The following KMT2D variants were observed in gnomAD, a reference collection of about 807,000 sequenced individuals.
KMT2D encodes histone-lysine N-methyltransferase 2D.
Under a neutral mutation model 512.7 loss-of-function variants are expected in KMT2D, and 55 were observed. The ratio of observed to expected loss-of-function variants is 0.11; its 90% CI spans 0.09 to 0.13. The LOEUF (loss-of-function observed/expected upper bound fraction) is 0.13. Ranked by LOEUF, KMT2D falls within the 10% of genes least tolerant of loss-of-function variation. The pLI is 1.00. For missense variants in KMT2D, 6,061 were observed against 7,127.9 expected, an observed-to-expected ratio of 0.85 and a Z score of 5.39; for synonymous variants, 2,995 against 2,904.0, an observed-to-expected ratio of 1.03 and a Z score of -1.01.
In KMT2D at chr12:49,050,751, G is replaced by A. The variant is rs770488222; in HGVS notation, c.2837C>T (p.Ala946Val). The change falls in exon 12 of 55, where the codon GCG becomes GTG. Residue 946 changes from alanine (A) to valine (V), a missense_variant. Physicochemically the swap from Ala to Val is moderately conservative, Grantham distance 64. This residue lies in a region of KMT2D where 848 missense variants were observed against 838.5 expected (regional missense o/e 1.01). Coordinates refer to ENST00000301067, the MANE Select transcript of KMT2D (RefSeq NM_003482.4). ...CAAAGGAGACAGGGCCGGTGGGGCC[G>A]CAGCTGTGATGATGGGTGAGAGTGG... is the stretch of plus-strand genomic sequence containing the variant. Reference protein sequence around the residue: ...PPPLSPIITAAAPPALSPLGE... With the variant: ...PPPLSPIITAVAPPALSPLGE... 20 of 1,612,188 alleles carry A rather than the reference G, an allele frequency of 1.2e-5. No individual in the cohort carries two copies. Among genetic ancestry groups the A allele is most frequent in the African/African-American group, 8.0e-5 (6 of 74,842 alleles).
chr12:49,048,528 C>A lies in KMT2D; in HGVS notation c.4131+131G>T, dbSNP rs111923414. On this transcript the variant is annotated intron_variant, in intron 14 of 54. Coordinates refer to ENST00000301067, the MANE Select transcript of KMT2D (RefSeq NM_003482.4). ...GATGGATGGACAAACCAATGAATAA[C>A]ATGATTAGAATTCATGGTCTGTTTT... The A allele has an allele frequency of 7.3e-3, 4,727 of 650,052 alleles. 152 individuals carry two copies. In the African/African-American group the frequency reaches 0.074, roughly 10 times the overall value. The allele number at this position is 650,052 out of a possible 1,614,324, so 40.3% of individuals were successfully genotyped here.
intron 1 of KMT2D, 73 bp downstream of exon 1, chr12:49,059,540 G>C (rs1306806732): frequency 6.6e-6 from 1 of 152,438 alleles, no homozygotes; most frequent in Non-Finnish European, 1.5e-5. Context: ...GGCCAGCTCC[G>C]GCTAAGATAG....
At position 49,029,413 on chromosome 12, in the gene KMT2D, G is replaced by C. The variant is rs1425307395; in HGVS notation, c.14063C>G (p.Thr4688Ser). The stretch of plus-strand genomic sequence containing the variant: ...GCCCCGCCCCTACCTGACATCCTCA[G>C]TCTGATTGTGAGGGGGTGTAGGCAA... ...AALPTPPHNQ[T>S]EDVRMESDED... The change falls in exon 44 of 55, where the codon ACT becomes AGT. Residue 4688 changes from threonine (T) to serine (S), a missense_variant. Thr to Ser is a moderately conservative substitution (Grantham distance 58, BLOSUM62 1). Around this residue, in one of 16 missense-constraint regions of KMT2D, gnomAD observed 1,600 missense variants for 1,754.9 expected, o/e 0.91. Coordinates refer to ENST00000301067, the MANE Select transcript of KMT2D (RefSeq NM_003482.4). 6.4e-7 allele frequency: 1 copy of C among 1,557,652 alleles called. No homozygotes were observed. The highest frequency in any genetic ancestry group is 8.7e-7 in the Non-Finnish European group (1 of 1,149,942).
chr12:49,028,625 CTT>C (rs1418163480), intron 46 of KMT2D, among the ~76,000 whole-genome samples: 2 of 152,218 alleles, frequency 1.3e-5, no homozygotes, highest in African/African-American at 4.8e-5. Context: ...ACTTGTCTGT[CTT>C]TACCATGGGA....
rs769832018 is a variant in KMT2D at position 49,051,028 on chromosome 12, G to T, written c.2655C>A (p.Pro885=). The change falls in exon 11 of 55, where the codon CCC becomes CCA. Residue 885 remains proline (P), a synonymous_variant. Transcript: ENST00000301067. ...PAPEELPLFP[P]PGEPSLSPLL... ...AGGGAGATAAGGATGGTTCCCCAGG[G>T]GGAGGGAACAAGGGCAGCTCCTCAG... 7.1e-6 allele frequency: 11 copies of T among 1,556,464 alleles called. No homozygotes were observed. Among genetic ancestry groups the T allele is most frequent in the Non-Finnish European group, 9.5e-6 (11 of 1,153,466 alleles).
Position 49,028,946 on chromosome 12 carries a change from G to T in KMT2D, c.14264C>A (p.Thr4755Asn), listed in dbSNP as rs185009821. The T allele has an allele frequency of 6.2e-7, 1 of 1,613,896 alleles. No individual in the cohort carries two copies. Among genetic ancestry groups the T allele is most frequent in the African/African-American group, 1.3e-5 (1 of 75,056 alleles). ...PRASIPVFPD[T>N]KPYGALGLEV... ...CAGGCCAAGGGCCCCATAAGGTTTG[G>T]TATCTGGGAAGACTGAATGAGAAAG... Residue 4755 changes from threonine to asparagine, a missense_variant, in exon 46 of 55, where the codon ACC becomes AAC. Around this residue, in one of 16 missense-constraint regions of KMT2D, gnomAD observed 1,600 missense variants for 1,754.9 expected, o/e 0.91. Transcript: ENST00000301067.
chr12:49,034,108 C>T lies in KMT2D; in HGVS notation c.10699G>A (p.Val3567Ile), dbSNP rs1386940539. Reference sequence around the variant, plus strand: ...TGGATCTTGCTCTGCTGCTCTGTAACCAGCTTGAGCTTCTCAGCATCAGCT... The same window carrying T: ...TGGATCTTGCTCTGCTGCTCTGTAATCAGCTTGAGCTTCTCAGCATCAGCT... Reference protein sequence around the residue: ...PEADAEKLKLVTEQQSKIQKQ... With the variant: ...PEADAEKLKLITEQQSKIQKQ... The change falls in exon 39 of 55, where the codon GTT becomes ATT. Residue 3567 changes from valine to isoleucine, a missense_variant. By Grantham distance (29) the Val-to-Ile change is conservative. Transcript: ENST00000301067. The T allele has an allele frequency of 6.2e-7, 1 of 1,613,080 alleles. No individual in the cohort carries two copies. Among genetic ancestry groups the T allele is most frequent in the Non-Finnish European group, 8.5e-7 (1 of 1,179,884 alleles).
Position 49,020,866 on chromosome 12 carries a change from C to A in KMT2D, c.*914G>T, listed in dbSNP as rs1483281371. ...CCCATGTCCAGATGGAGAAGGAAGT[C>A]CTAGAGCAACTAGGGGCCAGTCATC... On this transcript the variant is annotated 3_prime_UTR_variant, in exon 55 of 55. Transcript: ENST00000301067. 5.0e-6 allele frequency: 1 copy of A among 199,958 alleles called. No homozygotes were observed. Among genetic ancestry groups the A allele is most frequent in the African/African-American group, 2.3e-5 (1 of 43,322 alleles). 12.4% of individuals were successfully genotyped at this position (199,958 alleles called of 1,614,324 possible).
intron 36 of KMT2D, 29 bp from the exon 37 acceptor site, chr12:49,034,695 G>A (rs1381393754): frequency 2.5e-6 from 4 of 1,608,778 alleles, no homozygotes; most frequent in Non-Finnish European, 2.6e-6. Flanking sequence ...CAGAAGATAA[G>A]TGTTGGCAAT....
chr12:49,034,514 TG>T, intron 37 of KMT2D, 38 bp from the exon 38 acceptor site: 1 of 1,612,518 alleles, frequency 6.2e-7, no homozygotes, highest in Non-Finnish European at 8.5e-7. Context: ...CATTGTTCCC[TG>T]CTAGGCCCTA....
intron 51 of KMT2D, among the ~76,000 whole-genome samples, chr12:49,023,553 C>T (rs1565754758): frequency 2.0e-5 from 3 of 152,172 alleles, no homozygotes; most frequent in Non-Finnish European, 4.4e-5. Flanking sequence ...GGTTTTCAAA[C>T]GTTTCTGGTT....
At position 49,041,109 on chromosome 12, in the gene KMT2D, C is replaced by G. The variant is rs1943500962; in HGVS notation, c.6661G>C (p.Gly2221Arg). The change falls in exon 32 of 55, where the codon GGC (glycine) becomes CGC (arginine). Residue 2221 changes from glycine (G) to arginine (R), a missense_variant. Physicochemically the swap from Gly to Arg is moderately radical, Grantham distance 125. This residue lies in a region of KMT2D where 710 missense variants were observed against 647.3 expected (regional missense o/e 1.10). Transcript: ENST00000301067. This position sits in a 1 kb window ranked among gnomAD's most constrained non-coding sequence, Gnocchi z 5.4. ...GTAGTGTGGAATTCCCCTGGCTGGC[C>G]AGCCCCAGGACGAGATGAGGCGCCC... ...MLGASSRPGA[G>R]QPGEFHTTPP... 1 of 1,531,074 alleles carries G rather than the reference C, an allele frequency of 6.5e-7. No individual in the cohort carries two copies. Among genetic ancestry groups the G allele is most frequent in the African/African-American group, 1.4e-5 (1 of 71,904 alleles). The allele number at this position is 1,531,074 out of a possible 1,614,324, so 94.8% of individuals were successfully genotyped here.
rs756042386 is a variant in KMT2D, at chr12:49,040,951, G to A, written c.6819C>T (p.Leu2273=). 3.1e-6 allele frequency: 5 copies of A among 1,612,346 alleles called. No individual in the cohort carries two copies. In the Admixed American group the frequency reaches 5.0e-5, roughly 16 times the overall value. ...GGGACTCCCCAAAAGGTGGGGGCGA[G>A]AGCAGGGGCTCGGAAGCTTTGCCTC... ...VGGGKASEPL[L]SPPPFGESRK... The change falls in exon 32 of 55, where the codon CTC becomes CTT. Residue 2273 remains leucine (L), a synonymous_variant. Transcript: ENST00000301067.
Position 49,039,938 on chromosome 12 carries a change from C to T in KMT2D, c.7832G>A (p.Arg2611His), listed in dbSNP as rs374000532. The T allele has an allele frequency of 1.2e-5, 20 of 1,613,788 alleles. No individual in the cohort carries two copies. The highest frequency in any genetic ancestry group is 2.7e-5 in the African/African-American group (2 of 74,942). The change falls in exon 32 of 55, where the codon CGC becomes CAC. Residue 2611 changes from arginine (R) to histidine (H), a missense_variant. This residue lies in a region of KMT2D where 527 missense variants were observed against 578.9 expected (regional missense o/e 0.91). Transcript: ENST00000301067. This position sits in a 1 kb window ranked among gnomAD's most constrained non-coding sequence, Gnocchi z 5.0. The stretch of plus-strand genomic sequence containing the variant: ...AGGTGGTGGCAGAACCGACGGAGGG[C>T]GTAGTGGGGACAGCCCATAGCTCTC... Reference protein sequence around the residue: ...TGESYGLSPLRPPSVLPPPAP... With the variant: ...TGESYGLSPLHPPSVLPPPAP...
In KMT2D at chr12:49,033,840, G is replaced by T. The variant is rs1466770692; in HGVS notation, c.10865C>A (p.Ser3622Tyr). 6.4e-7 allele frequency: 1 copy of T among 1,566,498 alleles called. No homozygotes were observed. Among genetic ancestry groups the T allele is most frequent in the Non-Finnish European group, 8.6e-7 (1 of 1,156,902 alleles). ...CTTGGTGAGCAGCCGGGGACTCTGG[G>T]AAGGGCTGAGAGCCAGCACAGCTGA... The part of the protein sequence containing the change: ...QHSAVLALSP[S>Y]QSPRLLTKLP... The change falls in exon 40 of 55, where the codon TCC becomes TAC. Residue 3622 changes from serine (S) to tyrosine (Y), a missense_variant. Around this residue, in one of 16 missense-constraint regions of KMT2D, gnomAD observed 1,600 missense variants for 1,754.9 expected, o/e 0.91. Transcript: ENST00000301067.
At position 49,050,742 on chromosome 12, in the gene KMT2D, G is replaced by A. The variant is rs550306157; in HGVS notation, c.2846C>T (p.Pro949Leu). ...TAACTCCCCCAAAGGAGACAGGGCCGGTGGGGCCGCAGCTGTGATGATGGG... is the reference window on the plus strand; with the variant it reads ...TAACTCCCCCAAAGGAGACAGGGCCAGTGGGGCCGCAGCTGTGATGATGGG... ...LSPIITAAAP[P>L]ALSPLGELEY... Residue 949 changes from proline (P) to leucine (L), a missense_variant, in exon 12 of 55, where the codon CCG (proline) becomes CTG (leucine). By Grantham distance (98) the Pro-to-Leu change is moderately conservative (BLOSUM62 -3). This residue lies in a region of KMT2D where 848 missense variants were observed against 838.5 expected (regional missense o/e 1.01). Transcript: ENST00000301067. The A allele has an allele frequency of 1.4e-5, 23 of 1,613,008 alleles. No individual in the cohort carries two copies. Among genetic ancestry groups the A allele is most frequent in the East Asian group, 1.1e-4 (5 of 44,832 alleles).
rs2120605350 is a variant in KMT2D at position 49,046,383 on chromosome 12, A to C, written c.4460T>G (p.Phe1487Cys). ...CMQCGAASPG[F>C]HCEWQNSYTH... is the part of the protein sequence containing the mutation. ...GTAACTATTCTGCCATTCACAGTGG[A>C]AGCCAGGGGAAGCAGCCCCACACTG... Residue 1487 changes from phenylalanine (F) to cysteine (C), a missense_variant, in exon 17 of 55, where the codon TTC becomes TGC. Phe to Cys is a radical substitution (Grantham distance 205). Around this residue, in one of 16 missense-constraint regions of KMT2D, gnomAD observed 640 missense variants for 814.3 expected, o/e 0.79. Coordinates refer to ENST00000301067, the MANE Select transcript of KMT2D (RefSeq NM_003482.4). The surrounding 1 kb of genome is among the most constrained non-coding windows in gnomAD (Gnocchi z 4.2). 1 of 1,613,958 alleles carries C rather than the reference A, an allele frequency of 6.2e-7. No homozygotes were observed. The highest frequency in any genetic ancestry group is 8.5e-7 in the Non-Finnish European group (1 of 1,179,890).
In KMT2D at chr12:49,041,127, A is replaced by T. The variant is rs200080744; in HGVS notation, c.6643T>A (p.Ser2215Thr). ...APAQPPMLGA[S>T]SRPGAGQPGE... ...GGCTGGCCAGCCCCAGGACGAGATG[A>T]GGCGCCCAGCATCGGGGGCTGCGCA... The change falls in exon 32 of 55, where the codon TCA (serine) becomes ACA (threonine). Residue 2215 changes from serine (S) to threonine (T), a missense_variant. By Grantham distance (58) the Ser-to-Thr change is moderately conservative. Around this residue, in one of 16 missense-constraint regions of KMT2D, gnomAD observed 710 missense variants for 647.3 expected, o/e 1.10. Transcript: ENST00000301067. The surrounding 1 kb of genome is among the most constrained non-coding windows in gnomAD (Gnocchi z 5.4). 204 of 1,527,116 alleles carry T rather than the reference A, an allele frequency of 1.3e-4. 1 individual carries two copies. The East Asian group carries it at 3.4e-3, about 25-fold the overall frequency. 94.6% of individuals were successfully genotyped at this position (1,527,116 alleles called of 1,614,324 possible).
At position 49,046,080 on chromosome 12, in the gene KMT2D, C is replaced by G. The variant is rs746969301; in HGVS notation, c.4678G>C (p.Val1560Leu). 6.2e-7 allele frequency: 1 copy of G among 1,611,610 alleles called. No homozygotes were observed. Among genetic ancestry groups the G allele is most frequent in the African/African-American group, 1.3e-5 (1 of 74,986 alleles). The change falls in exon 18 of 55, where the codon GTG (valine) becomes CTG (leucine). Residue 1560 changes from valine (V) to leucine (L), a missense_variant. Val to Leu is a conservative substitution (Grantham distance 32, BLOSUM62 1). This residue lies in a region of KMT2D where 640 missense variants were observed against 814.3 expected (regional missense o/e 0.79). Coordinates refer to ENST00000301067, the MANE Select transcript of KMT2D (RefSeq NM_003482.4). The surrounding 1 kb of genome is among the most constrained non-coding windows in gnomAD (Gnocchi z 4.2). The stretch of plus-strand genomic sequence containing the variant: ...TGGTACTCACCCACAGGCTTTACCA[C>G]GTAGGGCTGGCAGGAGACACAGTCA... The part of the protein sequence containing the change: ...GFDCVSCQPY[V>L]VKPVAPVAPP...
Sources: allele counts gnomAD v4.1 joint callset (sites outside exome capture counted in the v4.1 genomes callset), GRCh38; gene constraint gnomAD v4.1.1; regional missense constraint gnomAD v4.1.1; non-coding constraint Gnocchi (gnomAD v3.1); transcripts MANE v1.5; gene names NCBI Gene and HGNC (gene_info 2026-07-23, HGNC 2026-07-21).